Variants in RBFOX3 observed in about 807,000 individuals in gnomAD.
RBFOX3 encodes the protein RNA binding fox-1 homolog 3.
RBFOX3 carries 17 observed loss-of-function variants against 48.7 expected under a neutral mutation model. That is an observed-to-expected ratio of 0.35 (90% CI 0.24 to 0.52). The LOEUF (loss-of-function observed/expected upper bound fraction) is 0.52. RBFOX3 is among the 20% of genes least tolerant of loss of function. The pLI, the probability that RBFOX3 is intolerant of heterozygous loss-of-function variation, is 0.94. For missense variants in RBFOX3, 382 were observed against 497.5 expected (o/e 0.77, Z 2.21); for synonymous variants, 212 against 209.5 (o/e 1.01, Z -0.10).
At chr17:79,262,030 G>T (rs2065872325) in intron 3 of RBFOX3, among the ~76,000 whole-genome samples, 1 of 152,250 alleles carries the variant, frequency 6.6e-6, no homozygotes, top group African/African-American at 2.4e-5. Context: ...GTTCCTCTGA[G>T]ATTCCTTTTG....
At chr17:79,397,128 G>A (rs939458945) in intron 2 of RBFOX3, among the ~76,000 whole-genome samples, 21 of 152,156 alleles carry the variant, frequency 1.4e-4, no homozygotes, top group Admixed American at 5.9e-4. Context: ...ACAGCCCCGC[G>A]GACAGGCAGG....
At chr17:79,176,847 C>G (rs1052232003) in intron 4 of RBFOX3, among the ~76,000 whole-genome samples, 1 of 152,136 alleles carries the variant, frequency 6.6e-6, no homozygotes, top group Non-Finnish European at 1.5e-5. Context: ...ATGGAAAATT[C>G]TAGGGGCCAC....
Position 79,205,669 on chromosome 17 carries a change from G to A in RBFOX3, c.-34+30097C>T, listed in dbSNP as rs1238456440. Among the ~76,000 whole-genome samples the A allele has an allele frequency of 6.6e-6, 1 of 152,148 alleles. No individual in the cohort carries two copies. Among genetic ancestry groups the A allele is most frequent in the Non-Finnish European group, 1.5e-5 (1 of 68,028 alleles). On this transcript the variant is annotated intron_variant, in intron 4 of 14. Coordinates refer to ENST00000693108, the MANE Select transcript of RBFOX3 (RefSeq NM_001350451.2). The surrounding 1 kb of genome is among the most constrained non-coding windows in gnomAD (Gnocchi z 4.5). ...CTACAAAAACCAGATGAATCAGAGT[G>A]GGTGATGGTGGATTACTGGAAACTT...
intron 1 of RBFOX3, among the ~76,000 whole-genome samples, chr17:79,585,808 G>A (rs1469455958): frequency 1.9e-4 from 29 of 152,136 alleles, no homozygotes; most frequent in Admixed American, 1.6e-3. Flanking sequence ...CTGATGGGCC[G>A]AGAGACAAGA....
At position 79,130,503 on chromosome 17, in the gene RBFOX3, G is replaced by A. The variant is rs374285480; in HGVS notation, c.-33-14755C>T. Among the ~76,000 whole-genome samples, 19 of 152,372 alleles carry A rather than the reference G, an allele frequency of 1.2e-4. No individual in the cohort carries two copies. The East Asian group carries it at 3.1e-3, about 25-fold the overall frequency. On this transcript the variant is annotated intron_variant, in intron 4 of 14. Transcript: ENST00000693108. Reference sequence around the variant, plus strand: ...GGTCCCTGCCACCGCCCTCTGCCAGGAGCGTGGATGTCCCCACCCTCTTTC... The same window carrying A: ...GGTCCCTGCCACCGCCCTCTGCCAGAAGCGTGGATGTCCCCACCCTCTTTC...
At chr17:79,206,391 G>A (rs1256429388) in intron 4 of RBFOX3, among the ~76,000 whole-genome samples, 2 of 152,138 alleles carry the variant, frequency 1.3e-5, no homozygotes, top group African/African-American at 2.4e-5. Context: ...AGTGGTGCCC[G>A]ACGTACACTG....
the RBFOX3 span, among the ~76,000 whole-genome samples, chr17:79,647,509 G>A: frequency 6.6e-6 from 1 of 152,132 alleles, no homozygotes; most frequent in South Asian, 2.1e-4. Flanking sequence ...GAGTAATTAC[G>A]TCTAAACATA....
In RBFOX3 at chr17:79,469,524, G is replaced by A. The variant is rs1334875117; in HGVS notation, c.-175+12930C>T. Among the ~76,000 whole-genome samples, 3 of 152,166 alleles carry A rather than the reference G, an allele frequency of 2.0e-5. No homozygotes were observed. In the South Asian group the frequency reaches 6.2e-4, roughly 32 times the overall value. On this transcript the variant is annotated intron_variant, in intron 2 of 14. Transcript: ENST00000693108. The stretch of plus-strand genomic sequence containing the variant: ...CTGTGCCGTCCCTGTCCCCTGTCCT[G>A]CAGGTAAGCAGCTGACCACCTGCTC...
intron 4 of RBFOX3, among the ~76,000 whole-genome samples, chr17:79,125,848 G>A (rs1233995093): frequency 6.6e-6 from 1 of 152,228 alleles, no homozygotes; most frequent in Admixed American, 6.5e-5. Flanking sequence ...CAGAAATGGG[G>A]AAGGGAGGGA....
chr17:79,137,840 A>C (rs964346494), intron 4 of RBFOX3, among the ~76,000 whole-genome samples: 9 of 152,164 alleles, frequency 5.9e-5, no homozygotes, highest in Non-Finnish European at 1.0e-4. Flanking sequence ...CCTTCTCAGC[A>C]CAAAGCGGGG....
At chr17:79,461,967 G>C (rs1468435843) in intron 2 of RBFOX3, among the ~76,000 whole-genome samples, 1 of 152,194 alleles carries the variant, frequency 6.6e-6, no homozygotes, top group Non-Finnish European at 1.5e-5. Context: ...CGGGCACCTT[G>C]ATTTCTCACT....
intron 2 of RBFOX3, among the ~76,000 whole-genome samples, chr17:79,446,449 T>A (rs536336812): frequency 6.6e-6 from 1 of 152,244 alleles, no homozygotes; most frequent in South Asian, 2.1e-4. Context: ...GAGGTGGAAC[T>A]TGACTCCAGA....
chr17:79,593,942 G>A (rs1464178019), intron 1 of RBFOX3, among the ~76,000 whole-genome samples: 1 of 152,162 alleles, frequency 6.6e-6, no homozygotes, highest in African/African-American at 2.4e-5. Context: ...CAAAGGGTTT[G>A]GGCACCTGGG....
At chr17:79,420,646 C>T (rs2148728975) in intron 2 of RBFOX3, among the ~76,000 whole-genome samples, 2 of 152,322 alleles carry the variant, frequency 1.3e-5, no homozygotes, top group African/African-American at 2.4e-5. Context: ...GCACGGGAAC[C>T]GCTTGCCTCC....
intron 14 of RBFOX3, chr17:79,091,919 A>G (rs1267990162): frequency 6.0e-5 from 59 of 975,604 alleles, no homozygotes; most frequent in Non-Finnish European, 6.9e-5. Context: ...ACACCACGCG[A>G]CACGCTTGTG....
chr17:79,553,102 T>G (rs2091306533), intron 1 of RBFOX3, among the ~76,000 whole-genome samples: 1 of 152,186 alleles, frequency 6.6e-6, no homozygotes, highest in Non-Finnish European at 1.5e-5. Context: ...TGTTTCCACA[T>G]TAAGAAAAAA....
At chr17:79,494,315 G>A (rs1183241348) in intron 1 of RBFOX3, among the ~76,000 whole-genome samples, 5 of 152,196 alleles carry the variant, frequency 3.3e-5, no homozygotes, top group African/African-American at 9.6e-5. Flanking sequence ...AGTGTAAGGG[G>A]TGAGGCCTGA....
In RBFOX3 at chr17:79,103,121, G is replaced by T; in HGVS notation, c.507+41C>A. 1 of 1,453,688 alleles carries T rather than the reference G, an allele frequency of 6.9e-7. No individual in the cohort carries two copies. The highest frequency in any genetic ancestry group is 9.4e-7 in the Non-Finnish European group (1 of 1,059,074). 90.0% of individuals were successfully genotyped at this position (1,453,688 alleles called of 1,614,324 possible). A position where few individuals can be genotyped will look rare whatever the true frequency, so the allele number is the denominator to read the frequency against. On this transcript the variant is annotated intron_variant, in intron 8 of 14. Transcript: ENST00000693108. The surrounding 1 kb of genome is among the most constrained non-coding windows in gnomAD (Gnocchi z 6.1). ...TGGGGGAGCTGGGGGGCAGGTGGGCGATCTTGGGGCATCCCTGCCGCAGCA... is the reference window on the plus strand; with the variant it reads ...TGGGGGAGCTGGGGGGCAGGTGGGCTATCTTGGGGCATCCCTGCCGCAGCA...
intron 1 of RBFOX3, among the ~76,000 whole-genome samples, chr17:79,493,937 G>A (rs112172806): frequency 6.6e-6 from 1 of 152,196 alleles, no homozygotes; most frequent in South Asian, 2.1e-4. Context: ...AGAAGGACAG[G>A]AGACTCTGAA....
Sources: gnomAD v4.1 joint callset for allele counts (sites outside exome capture counted in the v4.1 genomes callset) on GRCh38, gnomAD v4.1.1 for gene constraint, Gnocchi (gnomAD v3.1) non-coding constraint, MANE v1.5 for transcripts, NCBI Gene and HGNC (gene_info 2026-07-23, HGNC 2026-07-21) for gene names.